BDH1: variants seen among roughly 807,000 people sequenced by gnomAD.
BDH1 encodes the protein D-beta-hydroxybutyrate dehydrogenase, mitochondrial.
In BDH1, 30 loss-of-function variants were observed where a neutral mutation model predicts 33.1. The observed-to-expected ratio is 0.91, with a 90% CI of 0.68 to 1.23. BDH1 has a LOEUF of 1.23. BDH1 is among the 50% of genes most tolerant of loss of function. The pLI, the probability that BDH1 is intolerant of heterozygous loss-of-function variation, is 0.00. For missense variants in BDH1, 443 were observed against 464.4 expected, an observed-to-expected ratio of 0.95 and a Z score of 0.42; for synonymous variants, 190 against 183.6, an observed-to-expected ratio of 1.03 and a Z score of -0.28.
chr3:197,563,892 A>G (rs1717345653), intron 1 of BDH1, among the ~76,000 whole-genome samples: 1 of 152,126 alleles, frequency 6.6e-6, no homozygotes, highest in African/African-American at 2.4e-5. Context: ...ACTTGAGGTC[A>G]GGAGTTTGAG....
At position 197,521,761 on chromosome 3, in the gene BDH1, C is replaced by T. The variant is rs1162585023; in HGVS notation, c.409+879G>A. 1.3e-5 allele frequency among the ~76,000 whole-genome samples: 2 copies of T among 152,188 alleles called. No homozygotes were observed. Among genetic ancestry groups the T allele is most frequent in the Non-Finnish European group, 2.9e-5 (2 of 68,034 alleles). ...GCAGCTTCGCCTTCTCAACACTCCT[C>T]GCACCTGACCCTTCCTGTTTCCCAA... On this transcript the variant is annotated intron_variant, in intron 6 of 7. Coordinates refer to ENST00000392379, the MANE Select transcript of BDH1 (RefSeq NM_203314.3). The surrounding 1 kb of genome is among the most constrained non-coding windows in gnomAD (Gnocchi z 4.9).
rs775390058 is a variant in BDH1, at chr3:197,514,796, G to A, written c.410-380C>T. On this transcript the variant is annotated intron_variant, in intron 6 of 7. Transcript: ENST00000392379. The surrounding 1 kb of genome is among the most constrained non-coding windows in gnomAD (Gnocchi z 4.2). ...AGTTTGAGTTTCACGCCCCGTTCCTGTTTACTCATCTCTGCCCTTGAGCTT... is the reference window on the plus strand; with the variant it reads ...AGTTTGAGTTTCACGCCCCGTTCCTATTTACTCATCTCTGCCCTTGAGCTT... Among the ~76,000 whole-genome samples, 1 of 152,138 alleles carries A rather than the reference G, an allele frequency of 6.6e-6. No individual in the cohort carries two copies. The highest frequency in any genetic ancestry group is 2.1e-4 in the South Asian group (1 of 4,826).
chr3:197,522,669 A>G lies in BDH1; in HGVS notation c.380T>C (p.Val127Ala). 1 of 1,614,148 alleles carries G rather than the reference A, an allele frequency of 6.2e-7. No homozygotes were observed. Residue 127 changes from valine to alanine, a missense_variant, in exon 6 of 8, where the codon GTC becomes GCC. Transcript: ENST00000392379. This position sits in a 1 kb window ranked among gnomAD's most constrained non-coding sequence, Gnocchi z 4.8. ...SEEVEKVVEI[V>A]RSSLKDPEKG... ...CTCAGGGTCCTTCAGGCTCGAGCGG[A>G]CAATCTCCACCACTTTCTCCACCTC...
At chr3:197,571,913 T>C (rs536638244) in intron 1 of BDH1, among the ~76,000 whole-genome samples, 5 of 152,244 alleles carry the variant, frequency 3.3e-5, no homozygotes, top group African/African-American at 1.2e-4. Context: ...ATTTAAAAGT[T>C]AGCCAGGCAA....
chr3:197,565,649 A>C (rs1381074659), intron 1 of BDH1, among the ~76,000 whole-genome samples: 1 of 152,204 alleles, frequency 6.6e-6, no homozygotes, highest in Non-Finnish European at 1.5e-5. Context: ...ATCAGTAATA[A>C]TTATAATTGT....
intron 3 of BDH1, among the ~76,000 whole-genome samples, chr3:197,542,455 C>T (rs116084400): frequency 1.3e-5 from 2 of 152,032 alleles, no homozygotes; most frequent in Admixed American, 6.5e-5. Flanking sequence ...ACAGCTATGC[C>T]GGTCTCAGTC....
Position 197,546,475 on chromosome 3 carries a change from C to T in BDH1, c.-32G>A, listed in dbSNP as rs755707615. The T allele has an allele frequency of 6.2e-7, 1 of 1,606,420 alleles. No homozygotes were observed. The highest frequency in any genetic ancestry group is 1.1e-5 in the South Asian group (1 of 90,886). ...AACGGGTGTTAGAATGGCCCAGTTC[C>T]TCCCGGTGGTTCTGAAACATAAATG... is the stretch of plus-strand genomic sequence containing the variant. On this transcript the variant is annotated 5_prime_UTR_variant, in exon 3 of 8. Transcript: ENST00000392379.
At chr3:197,518,879 A>G (rs1422030204) in intron 6 of BDH1, among the ~76,000 whole-genome samples, 3 of 46,914 alleles carry the variant, frequency 6.4e-5, no homozygotes, top group Admixed American at 3.1e-4. Flanking sequence ...TTCCTGCTCT[A>G]TGGTCTCCAT....
At chr3:197,533,708 C>T (rs1714909761) in intron 3 of BDH1, 147 bp from the exon 4 acceptor site, 1 of 708,982 alleles carries the variant, frequency 1.4e-6, no homozygotes, top group Non-Finnish European at 2.4e-6. Context: ...CTCTTTCCAC[C>T]AGGGTTGCTG....
At chr3:197,546,325 G>A (rs1716075489) in intron 3 of BDH1, 36 bp downstream of exon 3, 1 of 1,603,752 alleles carries the variant, frequency 6.2e-7, no homozygotes, top group African/African-American at 1.3e-5. Context: ...CTCAGAAAGT[G>A]TCCCCTCAAG....
chr3:197,515,047 C>G (rs1188136615), intron 6 of BDH1, among the ~76,000 whole-genome samples: 1 of 152,232 alleles, frequency 6.6e-6, no homozygotes, highest in Non-Finnish European at 1.5e-5. Context: ...TCCCAAGGCA[C>G]AGCCTCAGAG....
intron 3 of BDH1, among the ~76,000 whole-genome samples, chr3:197,536,122 G>C (rs1217281173): frequency 6.6e-6 from 1 of 152,132 alleles, no homozygotes; most frequent in South Asian, 2.1e-4. Flanking sequence ...TAAGACGTCA[G>C]ACTTAGGTCT....
intron 3 of BDH1, chr3:197,538,503 CA>C: frequency 2.6e-6 from 1 of 391,778 alleles, no homozygotes; most frequent in Non-Finnish European, 5.1e-6. Flanking sequence ...AGGCTTGCAT[CA>C]CCACACCTGG....
intron 3 of BDH1, among the ~76,000 whole-genome samples, chr3:197,544,386 G>A (rs998951666): frequency 2.0e-5 from 3 of 152,132 alleles, no homozygotes; most frequent in Non-Finnish European, 4.4e-5. Context: ...CTTGACTAAT[G>A]CCTCATTTTC....
intron 6 of BDH1, chr3:197,515,374 T>C (rs1712588572): frequency 1.0e-6 from 1 of 985,756 alleles, no homozygotes; most frequent in Non-Finnish European, 1.2e-6. Context: ...CTCGCTCAGA[T>C]GCTAATGACA....
At chr3:197,539,184 T>C (rs1715395893) in intron 3 of BDH1, among the ~76,000 whole-genome samples, 1 of 152,196 alleles carries the variant, frequency 6.6e-6, no homozygotes, top group Non-Finnish European at 1.5e-5. Context: ...GTTCCACTCT[T>C]GTCACCCAGG....
At chr3:197,534,054 C>A (rs1451474750) in intron 3 of BDH1, 1 of 154,266 alleles carries the variant, frequency 6.5e-6, no homozygotes, top group Non-Finnish European at 1.4e-5. Flanking sequence ...TGTAGATTCA[C>A]ATGCAATTAA....
At chr3:197,519,589 G>A (rs761115490) in intron 6 of BDH1, among the ~76,000 whole-genome samples, 5 of 151,964 alleles carry the variant, frequency 3.3e-5, no homozygotes, top group East Asian at 1.9e-4. Flanking sequence ...ACTTGAACCC[G>A]GGATGTGGAG....
At position 197,514,286 on chromosome 3, in the gene BDH1, G is replaced by A. The variant is rs1266853792; in HGVS notation, c.540C>T (p.Leu180=). ...CACCTTTGGCCCTTCGGATGAGGGG[G>A]AGAAAGGATTTCGTCATCCGCACTG... The part of the protein sequence containing the change: ...WGTVRMTKSF[L]PLIRRAKGRV... The change falls in exon 7 of 8, where the codon CTC becomes CTT. Residue 180 remains leucine, a synonymous_variant. Coordinates refer to ENST00000392379, the MANE Select transcript of BDH1 (RefSeq NM_203314.3). This position sits in a 1 kb window ranked among gnomAD's most constrained non-coding sequence, Gnocchi z 4.2. 2.5e-6 allele frequency: 4 copies of A among 1,613,560 alleles called. No homozygotes were observed. The highest frequency in any genetic ancestry group is 1.1e-5 in the South Asian group (1 of 90,988).
Sources: gnomAD v4.1 joint callset for allele counts (sites outside exome capture counted in the v4.1 genomes callset) on GRCh38, gnomAD v4.1.1 for gene constraint, Gnocchi (gnomAD v3.1) non-coding constraint, MANE v1.5 for transcripts, NCBI Gene and HGNC (gene_info 2026-07-23, HGNC 2026-07-21) for gene names.